Variants in PPP4R4 observed in about 807,000 individuals in gnomAD.
The protein encoded by PPP4R4 is protein phosphatase 4 regulatory subunit 4, also known as serine/threonine-protein phosphatase 4 regulatory subunit 4.
Under a neutral mutation model 121.8 loss-of-function variants are expected in PPP4R4, and 70 were observed. That is an observed-to-expected ratio of 0.57 (90% CI 0.47 to 0.70). The LOEUF is 0.70. Ranked by LOEUF, PPP4R4 falls within the 30% of genes least tolerant of loss-of-function variation. The pLI is 0.00. For missense variants in PPP4R4, 875 were observed against 1,033.6 expected (o/e 0.85, Z 2.10); for synonymous variants, 348 against 355.7 (o/e 0.98, Z 0.24).
At chr14:94,259,470 T>G in intron 19 of PPP4R4, 101 bp downstream of exon 19, 1 of 1,344,382 alleles carries the variant, frequency 7.4e-7, no homozygotes, top group Non-Finnish European at 9.6e-7. Flanking sequence ...CATTTCACAT[T>G]ACTCTTTTTT....
intron 2 of PPP4R4, among the ~76,000 whole-genome samples, chr14:94,177,026 G>A (rs967936482): frequency 6.6e-6 from 1 of 150,662 alleles, no homozygotes; most frequent in Non-Finnish European, 1.5e-5. Context: ...CTCCTTTCTT[G>A]TTTACAGATC....
intron 23 of PPP4R4, among the ~76,000 whole-genome samples, chr14:94,268,773 T>C (rs192716505): frequency 3.9e-5 from 6 of 152,214 alleles, no homozygotes; most frequent in African/African-American, 7.2e-5. Context: ...GTGAGACTTA[T>C]TCACTATCAC....
At chr14:94,219,831 A>AT (rs1891288194) in intron 3 of PPP4R4, among the ~76,000 whole-genome samples, 4 of 152,176 alleles carry the variant, frequency 2.6e-5, no homozygotes, top group Admixed American at 6.5e-5. Context: ...GTGTGATGAC[A>AT]CACACCTGTA....
At chr14:94,238,473 C>T (rs1461222576) in intron 8 of PPP4R4, among the ~76,000 whole-genome samples, 1 of 152,134 alleles carries the variant, frequency 6.6e-6, no homozygotes, top group African/African-American at 2.4e-5. Context: ...AGTTTCCTCT[C>T]CTTAATAATA....
chr14:94,243,941 A>C (rs538205169), intron 11 of PPP4R4, among the ~76,000 whole-genome samples: 37 of 151,828 alleles, frequency 2.4e-4, no homozygotes, highest in Non-Finnish European at 5.0e-4. Flanking sequence ...TGTTAGAGCA[A>C]AGAATTTTAA....
chr14:94,215,240 A>C (rs1243828477), intron 3 of PPP4R4, among the ~76,000 whole-genome samples: 1 of 152,220 alleles, frequency 6.6e-6, no homozygotes, highest in East Asian at 1.9e-4. Flanking sequence ...TAGGCTTAAA[A>C]AATTCAGTGT....
chr14:94,174,322 C>A lies in PPP4R4; in HGVS notation c.-144C>A, dbSNP rs1031823352. The A allele has an allele frequency of 4.4e-6, 3 of 683,782 alleles. No individual in the cohort carries two copies. Among genetic ancestry groups the A allele is most frequent in the Non-Finnish European group, 6.1e-6 (3 of 495,838 alleles). 42.4% of individuals were successfully genotyped at this position (683,782 alleles called of 1,614,324 possible). On this transcript the variant is annotated 5_prime_UTR_variant, in exon 1 of 25. Transcript: ENST00000304338. ...CCCCGCCCCCTCGCCGGGCCGTGCT[C>A]TTGCTCCCGCCGCCTGGCAGCCTCA... is the stretch of plus-strand genomic sequence containing the variant.
At position 94,211,452 on chromosome 14, in the gene PPP4R4, G is replaced by T. The variant is rs116980705; in HGVS notation, c.294+2886G>T. Among the ~76,000 whole-genome samples the T allele has an allele frequency of 1.8e-4, 27 of 152,266 alleles. No homozygotes were observed. The East Asian group carries it at 3.5e-3, about 20-fold the overall frequency. Reference sequence around the variant, plus strand: ...TTGAGAGTCAGGACCAAGTAGTTCAGGTGGAGAGAACGGTAATTAGCCCTA... The same window carrying T: ...TTGAGAGTCAGGACCAAGTAGTTCATGTGGAGAGAACGGTAATTAGCCCTA... On this transcript the variant is annotated intron_variant, in intron 3 of 24. Transcript: ENST00000304338.
chr14:94,206,326 T>C (rs1408998341), intron 2 of PPP4R4, among the ~76,000 whole-genome samples: 1 of 152,080 alleles, frequency 6.6e-6, no homozygotes, highest in Non-Finnish European at 1.5e-5. Context: ...TTATTTTCCA[T>C]TCTTTATTTT....
chr14:94,179,505 C>T (rs559606932), intron 2 of PPP4R4, among the ~76,000 whole-genome samples: 2 of 152,296 alleles, frequency 1.3e-5, no homozygotes, highest in East Asian at 3.9e-4. Context: ...CTTAATTCTT[C>T]ACTTTTTGAT....
At chr14:94,206,134 T>C (rs1433079688) in intron 2 of PPP4R4, among the ~76,000 whole-genome samples, 21 of 151,948 alleles carry the variant, frequency 1.4e-4, no homozygotes, top group Admixed American at 1.3e-3. Flanking sequence ...TTGCATCACA[T>C]ATTTTGCAAC....
At chr14:94,212,708 A>G (rs1191624673) in intron 3 of PPP4R4, among the ~76,000 whole-genome samples, 1 of 152,166 alleles carries the variant, frequency 6.6e-6, no homozygotes, top group Non-Finnish European at 1.5e-5. Flanking sequence ...TTGAAATCTT[A>G]GATGTTTGTT....
chr14:94,231,869 G>T (rs2139533976), intron 5 of PPP4R4, among the ~76,000 whole-genome samples: 1 of 152,154 alleles, frequency 6.6e-6, no homozygotes, highest in Admixed American at 6.5e-5. Context: ...TCTTTTCCTA[G>T]ACTTTTATCA....
chr14:94,202,168 G>A (rs1890225834), intron 2 of PPP4R4, among the ~76,000 whole-genome samples: 1 of 152,048 alleles, frequency 6.6e-6, no homozygotes, highest in Non-Finnish European at 1.5e-5. Context: ...GGTGTGAGGG[G>A]TGTGAGGGGT....
intron 23 of PPP4R4, 32 bp downstream of exon 23, chr14:94,267,061 G>T (rs1422996393): frequency 6.8e-7 from 1 of 1,460,586 alleles, no homozygotes; most frequent in Non-Finnish European, 9.5e-7. Flanking sequence ...TCAAAAAGTT[G>T]CTAAATTTAA....
At position 94,180,595 on chromosome 14, in the gene PPP4R4, CTTTTTTT is replaced by C. The variant is rs34648844; in HGVS notation, c.191+4480_191+4486del. On this transcript the variant is annotated intron_variant, in intron 2 of 24. Transcript: ENST00000304338. ...CAGGGCAGTCAGATAAAGAGCTTTG[CTTTTTTT>C]TTTTTTTTTTTCTTTTTTCTTTTTT... 4.0e-5 allele frequency among the ~76,000 whole-genome samples: 5 copies of C among 123,922 alleles called. No individual in the cohort carries two copies. In the East Asian group the frequency reaches 7.0e-4, roughly 17 times the overall value. The allele number at this position is 123,922 out of a possible 152,430, so 81.3% of individuals were successfully genotyped here.
intron 23 of PPP4R4, among the ~76,000 whole-genome samples, chr14:94,274,423 A>G (rs1323013555): frequency 6.6e-6 from 1 of 152,212 alleles, no homozygotes; most frequent in African/African-American, 2.4e-5. Flanking sequence ...ATATACAAAG[A>G]TGTCTTTGTA....
At chr14:94,235,388 CTTTTTTTTT>C (rs34881107) in intron 7 of PPP4R4, among the ~76,000 whole-genome samples, 7 of 50,804 alleles carry the variant, frequency 1.4e-4, no homozygotes, top group East Asian at 1.6e-3. Context: ...TCTCCTTGTT[CTTTTTTTTT>C]TTTTTTTTTT....
At position 94,278,609 on chromosome 14, in the gene PPP4R4, C is replaced by T; in HGVS notation, c.2598-10C>T. On this transcript the variant is annotated splice_polypyrimidine_tract_variant and intron_variant, in intron 24 of 24. Transcript: ENST00000304338. ...CCTCCCTCTCTTCCTTCATTTCTTT[C>T]TTCCCAAAGAAAATCCAGAAAATCC... 1.3e-6 allele frequency: 2 copies of T among 1,564,832 alleles called. No homozygotes were observed. Among genetic ancestry groups the T allele is most frequent in the Non-Finnish European group, 1.7e-6 (2 of 1,146,274 alleles).
Sources: allele counts gnomAD v4.1 joint callset (sites outside exome capture counted in the v4.1 genomes callset), GRCh38; gene constraint gnomAD v4.1.1; transcripts MANE v1.5; gene names NCBI Gene and HGNC (gene_info 2026-07-23, HGNC 2026-07-21).